The following IGSF11 variants were observed in gnomAD, a reference collection of about 807,000 sequenced individuals.
IGSF11 encodes the protein immunoglobulin superfamily member 11.
A neutral mutation model predicts 41.0 loss-of-function variants in IGSF11; 22 were observed. The ratio of observed to expected loss-of-function variants is 0.54; its 90% CI spans 0.38 to 0.77. The LOEUF is 0.77. Among genes scored for constraint, IGSF11 ranks in the 30% least tolerant of loss-of-function variants. The pLI is 0.00. For synonymous variants in IGSF11, 219 were observed against 201.3 expected, an observed-to-expected ratio of 1.09 and a Z score of -0.74; for missense variants, 444 against 530.8, an observed-to-expected ratio of 0.84 and a Z score of 1.61.
At chr3:119,053,507 A>G (rs188104091) in intron 1 of IGSF11, among the ~76,000 whole-genome samples, 215 of 152,368 alleles carry the variant, frequency 1.4e-3, no homozygotes, top group Admixed American at 3.5e-3. Context: ...CTGCTGAAAG[A>G]AATTATAGGT....
At chr3:119,087,373 T>TAC (rs200774982) in intron 1 of IGSF11, among the ~76,000 whole-genome samples, 33,071 of 147,330 alleles carry the variant, frequency 0.22, 3,547 homozygotes, top group Non-Finnish European at 0.24. Context: ...GAAAATGTTA[T>TAC]ACACACACAC....
At chr3:119,113,917 C>T (rs1012997708) in intron 1 of IGSF11, among the ~76,000 whole-genome samples, 2 of 152,260 alleles carry the variant, frequency 1.3e-5, no homozygotes, top group Non-Finnish European at 2.9e-5. Flanking sequence ...CCTCTGCACA[C>T]CCACAGGCTT....
chr3:118,928,818 G>A, intron 2 of IGSF11, 102 bp from the exon 3 acceptor site: 5 of 784,248 alleles, frequency 6.4e-6, no homozygotes, highest in African/African-American at 3.5e-5. Context: ...ACCAAACATT[G>A]GAAAATTTTA....
chr3:118,931,211 AT>A (rs1172075389), intron 1 of IGSF11, among the ~76,000 whole-genome samples: 2 of 152,248 alleles, frequency 1.3e-5, no homozygotes, highest in East Asian at 3.8e-4. Context: ...TCAACAGAAA[AT>A]GATCACAGAC....
At chr3:118,917,047 C>A (rs1397622521) in intron 4 of IGSF11, among the ~76,000 whole-genome samples, 4 of 152,182 alleles carry the variant, frequency 2.6e-5, no homozygotes, top group African/African-American at 7.2e-5. Context: ...TAAAGATGTT[C>A]TTTGAAACCA....
At chr3:118,972,261 C>A (rs1035282122) in intron 1 of IGSF11, among the ~76,000 whole-genome samples, 14 of 152,134 alleles carry the variant, frequency 9.2e-5, no homozygotes, top group African/African-American at 3.4e-4. Flanking sequence ...GATTTGAATG[C>A]CTGTTTCCTT....
upstream of IGSF11, among the ~76,000 whole-genome samples, chr3:119,038,097 A>G (rs1274516895): frequency 2.0e-5 from 3 of 152,132 alleles, no homozygotes; most frequent in East Asian, 5.8e-4. Flanking sequence ...TTTTAGAAGT[A>G]AAATTTTAGA....
chr3:118,914,141 T>A (rs1052151591), intron 4 of IGSF11, among the ~76,000 whole-genome samples: 37 of 151,944 alleles, frequency 2.4e-4, no homozygotes, highest in African/African-American at 8.7e-4. Context: ...CACTTATAAC[T>A]CTGAAAGTAG....
chr3:118,921,703 C>G (rs886167443), intron 4 of IGSF11, among the ~76,000 whole-genome samples: 4 of 152,132 alleles, frequency 2.6e-5, no homozygotes, highest in Non-Finnish European at 4.4e-5. Context: ...CCAGAACTTA[C>G]ACTCTTACAT....
At chr3:118,941,413 C>T (rs1943691167) in intron 1 of IGSF11, among the ~76,000 whole-genome samples, 1 of 152,042 alleles carries the variant, frequency 6.6e-6, no homozygotes, top group South Asian at 2.1e-4. Flanking sequence ...GAACTTAAAA[C>T]CACATTGAGA....
intron 1 of IGSF11, among the ~76,000 whole-genome samples, chr3:119,110,496 G>A (rs999247530): frequency 6.6e-6 from 1 of 152,130 alleles, no homozygotes; most frequent in Non-Finnish European, 1.5e-5. Context: ...CTGCACGTGA[G>A]ATGGCTTTCC....
chr3:119,141,849 C>T (rs989514453), intron 1 of IGSF11, among the ~76,000 whole-genome samples: 7 of 151,984 alleles, frequency 4.6e-5, no homozygotes, highest in Non-Finnish European at 7.4e-5. Context: ...ATAAAGAGGG[C>T]ATTCCTCAAA....
At position 118,928,666 on chromosome 3, in the gene IGSF11, G is replaced by A. The variant is rs144392693; in HGVS notation, c.267C>T (p.His89=). 2.7e-5 allele frequency: 44 copies of A among 1,613,922 alleles called. No individual in the cohort carries two copies. Among genetic ancestry groups the A allele is most frequent in the Middle Eastern group, 3.3e-4 (2 of 6,080 alleles). The change falls in exon 3 of 7, where the codon CAC becomes CAT. Residue 89 remains histidine (H), a synonymous_variant. Transcript: ENST00000393775. ...TGGTGCCTGTAAATCCTACCCTACC[G>A]TGGAACCGGGGGGCACCATCAAACA... is the stretch of plus-strand genomic sequence containing the variant. ...GQMFDGAPRF[H]GRVGFTGTMP...
chr3:118,917,763 C>T (rs1417584563), intron 4 of IGSF11, among the ~76,000 whole-genome samples: 1 of 150,500 alleles, frequency 6.6e-6, no homozygotes, highest in Non-Finnish European at 1.5e-5. Context: ...TTTATGAGGC[C>T]AACATCATTC....
At chr3:118,927,879 G>T (rs1942465714) in intron 3 of IGSF11, among the ~76,000 whole-genome samples, 1 of 152,146 alleles carries the variant, frequency 6.6e-6, no homozygotes, top group South Asian at 2.1e-4. Context: ...TGGTGTAATG[G>T]AAAGAGTGCT....
chr3:119,034,068 G>A (rs1489906769), intron 1 of IGSF11, among the ~76,000 whole-genome samples: 3 of 152,056 alleles, frequency 2.0e-5, no homozygotes, highest in African/African-American at 4.8e-5. Context: ...GATCATTTTC[G>A]GCCAAAACGT....
At chr3:119,072,364 T>C (rs902731143) in intron 1 of IGSF11, among the ~76,000 whole-genome samples, 1 of 152,246 alleles carries the variant, frequency 6.6e-6, no homozygotes, top group Non-Finnish European at 1.5e-5. Context: ...CCCACTACCA[T>C]CTTTTATGAC....
intron 1 of IGSF11, among the ~76,000 whole-genome samples, chr3:119,054,577 T>C (rs1029220866): frequency 1.3e-5 from 2 of 152,236 alleles, no homozygotes; most frequent in Admixed American, 6.5e-5. Context: ...TTTATACCGC[T>C]GGTGGGAATG....
At chr3:119,078,898 T>C (rs1411388991) in intron 1 of IGSF11, among the ~76,000 whole-genome samples, 1 of 151,996 alleles carries the variant, frequency 6.6e-6, no homozygotes, top group Non-Finnish European at 1.5e-5. Flanking sequence ...CATTTAAAAA[T>C]GGGCAAAGGA....
Sources: allele counts gnomAD v4.1 joint callset (sites outside exome capture counted in the v4.1 genomes callset), GRCh38; gene constraint gnomAD v4.1.1; transcripts MANE v1.5; gene names NCBI Gene and HGNC (gene_info 2026-07-23, HGNC 2026-07-21).